ITPK1: variants seen among roughly 807,000 people sequenced by gnomAD.
ITPK1 encodes inositol-tetrakisphosphate 1-kinase.
A neutral mutation model predicts 45.3 loss-of-function variants in ITPK1; 21 were observed. The ratio of observed to expected loss-of-function variants is 0.46; its 90% CI spans 0.33 to 0.67. ITPK1 has a LOEUF of 0.67. ITPK1 is among the 30% of genes least tolerant of loss of function. ITPK1 has a pLI of 0.02. For missense variants in ITPK1, 474 were observed against 573.5 expected (o/e 0.83, Z 1.77); for synonymous variants, 258 against 253.6 (o/e 1.02, Z -0.16).
At chr14:93,080,585 G>C (rs550936663) in intron 2 of ITPK1, among the ~76,000 whole-genome samples, 1 of 152,154 alleles carries the variant, frequency 6.6e-6, no homozygotes, top group East Asian at 1.9e-4. Context: ...GAAACATTCC[G>C]ATACCTGGAA....
At chr14:92,967,247 T>C (rs1048775945) in intron 5 of ITPK1, among the ~76,000 whole-genome samples, 2 of 152,110 alleles carry the variant, frequency 1.3e-5, no homozygotes, top group Non-Finnish European at 2.9e-5. Flanking sequence ...TAAAAAGATA[T>C]CTCTATTTAA....
intron 2 of ITPK1, among the ~76,000 whole-genome samples, chr14:93,099,389 G>A (rs1892221116): frequency 6.6e-6 from 1 of 152,174 alleles, no homozygotes; most frequent in Non-Finnish European, 1.5e-5. Context: ...CATAACACGA[G>A]ATTGTTTAGC....
At chr14:93,015,553 C>G (rs1346678183) in intron 4 of ITPK1, among the ~76,000 whole-genome samples, 2 of 152,242 alleles carry the variant, frequency 1.3e-5, no homozygotes, top group African/African-American at 4.8e-5. Context: ...CCCACAGTCT[C>G]CAGTCCGATC....
intron 3 of ITPK1, among the ~76,000 whole-genome samples, chr14:93,019,558 G>A (rs925210513): frequency 2.6e-5 from 4 of 152,186 alleles, no homozygotes; most frequent in Admixed American, 6.5e-5. Flanking sequence ...TCTCGGGTGC[G>A]GCCGCCTCTC....
chr14:93,003,643 G>A (rs903541460), intron 4 of ITPK1, among the ~76,000 whole-genome samples: 3 of 152,218 alleles, frequency 2.0e-5, no homozygotes, highest in African/African-American at 7.2e-5. Flanking sequence ...TACCCAGGGT[G>A]CCATTCACAA....
At chr14:93,005,080 A>G (rs1887546655) in intron 4 of ITPK1, among the ~76,000 whole-genome samples, 1 of 151,966 alleles carries the variant, frequency 6.6e-6, no homozygotes, top group Non-Finnish European at 1.5e-5. Context: ...GGAAGTGACA[A>G]GGACAGCTAT....
intron 2 of ITPK1, among the ~76,000 whole-genome samples, chr14:93,102,103 A>G (rs1892342732): frequency 6.6e-6 from 1 of 152,232 alleles, no homozygotes; most frequent in Admixed American, 6.5e-5. Context: ...TCCACACTAC[A>G]GGCACCTCGT....
Position 92,937,268 on chromosome 14 carries a change from C to G in ITPK1, c.*4293G>C, listed in dbSNP as rs1266530643. The G allele has an allele frequency of 6.6e-6, 1 of 152,252 alleles. No individual in the cohort carries two copies. The highest frequency in any genetic ancestry group is 1.5e-5 in the Non-Finnish European group (1 of 68,040). 9.4% of individuals were successfully genotyped at this position (152,252 alleles called of 1,614,324 possible). On this transcript the variant is annotated 3_prime_UTR_variant, in exon 11 of 11. Transcript: ENST00000267615. ...GGATTCTGGTGAAGTTGCTTGTGAA[C>G]AGCTTGAAGCAAACAGCATTTGTCA... is the stretch of plus-strand genomic sequence containing the variant.
intron 5 of ITPK1, among the ~76,000 whole-genome samples, chr14:92,983,578 G>A (rs374369612): frequency 1.3e-5 from 2 of 152,184 alleles, no homozygotes; most frequent in African/African-American, 2.4e-5. Context: ...TGGAGCCAGT[G>A]AATCCATGAT....
At chr14:92,941,975 G>A in intron 10 of ITPK1, 71 bp from the exon 11 acceptor site, 17 of 1,373,568 alleles carry the variant, frequency 1.2e-5, no homozygotes, top group Admixed American at 2.0e-5. Flanking sequence ...GGAGGAGGAG[G>A]AGGCAGAACC....
Position 92,946,581 on chromosome 14 carries a change from G to A in ITPK1, c.739-88C>T, listed in dbSNP as rs530055491. 1.4e-4 allele frequency: 189 copies of A among 1,320,176 alleles called. 1 individual carries two copies. In the African/African-American group the frequency reaches 1.9e-3, roughly 13 times the overall value. 81.8% of individuals were successfully genotyped at this position (1,320,176 alleles called of 1,614,324 possible). On this transcript the variant is annotated intron_variant, in intron 9 of 10. Transcript: ENST00000267615. ...ACAGACCCCCCACACCAGCTGCCAC[G>A]AGGCCCTGGCATGCTTCAGGCCAGG...
In ITPK1 at chr14:92,941,515, G is replaced by A; in HGVS notation, c.*46C>T. ...CCGTTGGGAGCTGCTGGCCCAGCGG[G>A]TGTGCTCTGCGCCCTGCGCTGCCCC... On this transcript the variant is annotated 3_prime_UTR_variant, in exon 11 of 11. Coordinates refer to ENST00000267615, the MANE Select transcript of ITPK1 (RefSeq NM_014216.6). 6 of 1,473,486 alleles carry A rather than the reference G, an allele frequency of 4.1e-6. No homozygotes were observed. Among genetic ancestry groups the A allele is most frequent in the South Asian group, 2.6e-5 (2 of 76,076 alleles). 91.3% of individuals were successfully genotyped at this position (1,473,486 alleles called of 1,614,324 possible).
intron 4 of ITPK1, among the ~76,000 whole-genome samples, chr14:93,000,066 C>T (rs567969134): frequency 6.6e-6 from 1 of 152,314 alleles, no homozygotes; most frequent in East Asian, 1.9e-4. Context: ...CATGTTGCAG[C>T]GTGCGGCAGT....
At chr14:93,041,685 G>A (rs1889569218) in intron 3 of ITPK1, among the ~76,000 whole-genome samples, 2 of 152,212 alleles carry the variant, frequency 1.3e-5, no homozygotes, top group Non-Finnish European at 2.9e-5. Context: ...CTGCCACTGA[G>A]CCACCATGAC....
Position 93,076,506 on chromosome 14 carries a change from C to A in ITPK1, c.120+89G>T. 1 of 1,421,396 alleles carries A rather than the reference C, an allele frequency of 7.0e-7. No individual in the cohort carries two copies. The highest frequency in any genetic ancestry group is 1.2e-5 in the South Asian group (1 of 86,736). 88.0% of individuals were successfully genotyped at this position (1,421,396 alleles called of 1,614,324 possible). On this transcript the variant is annotated intron_variant, in intron 3 of 10. Coordinates refer to ENST00000267615, the MANE Select transcript of ITPK1 (RefSeq NM_014216.6). This position sits in a 1 kb window ranked among gnomAD's most constrained non-coding sequence, Gnocchi z 4.3. ...ACGTGAAGAAGAGAGAAAGCCGTGCCCAATGCTGGAGGAGAGAAGGAGAGA... is the reference window on the plus strand; with the variant it reads ...ACGTGAAGAAGAGAGAAAGCCGTGCACAATGCTGGAGGAGAGAAGGAGAGA...
At chr14:93,102,869 G>A (rs1337720414) in intron 2 of ITPK1, among the ~76,000 whole-genome samples, 1 of 152,142 alleles carries the variant, frequency 6.6e-6, no homozygotes, top group Non-Finnish European at 1.5e-5. Flanking sequence ...GGGAGGCCGA[G>A]GTGGGCGGAT....
intron 2 of ITPK1, among the ~76,000 whole-genome samples, chr14:93,082,148 G>A (rs1048504685): frequency 6.6e-6 from 1 of 152,142 alleles, no homozygotes; most frequent in Non-Finnish European, 1.5e-5. Flanking sequence ...GTGGGGTGGG[G>A]GGCAGCCCTT....
At chr14:93,062,039 G>C (rs1054982047) in intron 3 of ITPK1, among the ~76,000 whole-genome samples, 33 of 152,206 alleles carry the variant, frequency 2.2e-4, no homozygotes, top group African/African-American at 7.7e-4. Flanking sequence ...TAGAAGCCGA[G>C]GCGGGCAGAT....
intron 4 of ITPK1, among the ~76,000 whole-genome samples, chr14:93,001,046 G>A (rs908127913): frequency 6.6e-6 from 1 of 151,302 alleles, no homozygotes; most frequent in Non-Finnish European, 1.5e-5. Context: ...TTGGGAGGCT[G>A]ACGCGGGAGT....
Sources: gnomAD v4.1 joint callset for allele counts (sites outside exome capture counted in the v4.1 genomes callset) on GRCh38, gnomAD v4.1.1 for gene constraint, Gnocchi (gnomAD v3.1) non-coding constraint, MANE v1.5 for transcripts, NCBI Gene and HGNC (gene_info 2026-07-23, HGNC 2026-07-21) for gene names.